PJA2: variants seen among roughly 807,000 people sequenced by gnomAD.
The protein encoded by PJA2 is praja ring finger ubiquitin ligase 2, also known as E3 ubiquitin-protein ligase Praja-2.
PJA2 carries 25 observed loss-of-function variants against 69.3 expected under a neutral mutation model. That is an observed-to-expected ratio of 0.36 (90% CI 0.26 to 0.50). The LOEUF (loss-of-function observed/expected upper bound fraction) is 0.50, where lower values mean the gene tolerates loss of function less well. Among genes scored for constraint, PJA2 ranks in the 20% least tolerant of loss-of-function variants. PJA2 has a pLI of 0.96. For missense variants in PJA2, 809 were observed against 830.2 expected (o/e 0.97, Z 0.31); for synonymous variants, 308 against 277.8 (o/e 1.11, Z -1.08).
chr5:109,365,047 C>G (rs954944570), intron 5 of PJA2, among the ~76,000 whole-genome samples: 1 of 152,172 alleles, frequency 6.6e-6, no homozygotes. Flanking sequence ...AAGAAAGTGA[C>G]TAATTTAAGT....
At chr5:109,387,592 T>C (rs963668233) in intron 1 of PJA2, among the ~76,000 whole-genome samples, 3 of 152,202 alleles carry the variant, frequency 2.0e-5, no homozygotes, top group African/African-American at 7.2e-5. Context: ...TACTTCTTAC[T>C]AATACTAAAA....
intron 7 of PJA2, among the ~76,000 whole-genome samples, chr5:109,345,656 A>G (rs1363952210): frequency 4.6e-5 from 7 of 152,164 alleles, no homozygotes; most frequent in African/African-American, 1.7e-4. Context: ...AACATTTTGG[A>G]AAGGTTCACT....
chr5:109,351,863 G>A (rs890976869), intron 7 of PJA2, among the ~76,000 whole-genome samples: 3 of 152,008 alleles, frequency 2.0e-5, no homozygotes, highest in African/African-American at 7.2e-5. Flanking sequence ...GAGTGTTAGT[G>A]TTAAATATAA....
rs1762623127 is a variant in PJA2, at chr5:109,368,579, T to G, written c.1451A>C (p.Glu484Ala). ...DSSGPEEENQ[E>A]LSLQEGEQTS... ...AACATACCCTTCCTGAAGAGATAAT[T>G]CTTGGTTTTCTTCTTCAGGGCCACT... The change falls in exon 5 of 10, where the codon GAA (glutamate) becomes GCA (alanine). Residue 484 changes from glutamate to alanine, a missense_variant. Glu to Ala is a moderately radical substitution (Grantham distance 107). Coordinates refer to ENST00000361189, the MANE Select transcript of PJA2 (RefSeq NM_014819.5). The G allele has an allele frequency of 6.2e-7, 1 of 1,613,396 alleles. No homozygotes were observed.
intron 1 of PJA2, among the ~76,000 whole-genome samples, chr5:109,401,793 G>A (rs935226255): frequency 6.6e-6 from 1 of 152,118 alleles, no homozygotes; most frequent in African/African-American, 2.4e-5. Context: ...CTATAACACA[G>A]AAAATCAATT....
At chr5:109,341,845 T>G (rs866733751) in intron 9 of PJA2, among the ~76,000 whole-genome samples, 2 of 25,376 alleles carry the variant, frequency 7.9e-5, no homozygotes, top group Non-Finnish European at 1.8e-4. Flanking sequence ...GCCCCCCGCC[T>G]GGCCAGCCGC....
intron 4 of PJA2, among the ~76,000 whole-genome samples, chr5:109,369,704 T>C (rs954040203): frequency 6.6e-6 from 1 of 152,220 alleles, no homozygotes; most frequent in Non-Finnish European, 1.5e-5. Context: ...GGCAAAACTT[T>C]ACTGTCCTTA....
intron 1 of PJA2, among the ~76,000 whole-genome samples, chr5:109,407,164 T>C (rs2127021487): frequency 6.6e-6 from 1 of 152,294 alleles, no homozygotes; most frequent in South Asian, 2.1e-4. Context: ...CAAAACAAAA[T>C]ACACTGTACA....
intron 1 of PJA2, among the ~76,000 whole-genome samples, chr5:109,392,021 TA>T (rs1359473518): frequency 1.3e-5 from 2 of 152,188 alleles, no homozygotes; most frequent in African/African-American, 4.8e-5. Context: ...CAATTCTCCT[TA>T]AATAATCTAT....
chr5:109,398,054 C>T (rs1244980351), intron 1 of PJA2, among the ~76,000 whole-genome samples: 1 of 152,160 alleles, frequency 6.6e-6, no homozygotes, highest in African/African-American at 2.4e-5. Flanking sequence ...TGAAAAAATG[C>T]TCATCATCAC....
chr5:109,349,782 G>T (rs74822077), intron 7 of PJA2, among the ~76,000 whole-genome samples: 4,638 of 152,140 alleles, frequency 0.03, 91 homozygotes, highest in Middle Eastern at 0.048. Context: ...CCCATATTCT[G>T]TGTAATTATC....
At position 109,384,261 on chromosome 5, in the gene PJA2, T is replaced by C. The variant is rs185058541; in HGVS notation, c.-87-741A>G. 2.3e-3 allele frequency among the ~76,000 whole-genome samples: 354 copies of C among 152,304 alleles called. 1 individual carries two copies. The highest frequency in any genetic ancestry group is 8.2e-3 in the African/African-American group (341 of 41,554). ...ACTGTAAGAATACAAACTTCATTTTTTAAAAATGTGTAATGGCTTATAACA... is the reference window on the plus strand; with the variant it reads ...ACTGTAAGAATACAAACTTCATTTTCTAAAAATGTGTAATGGCTTATAACA... On this transcript the variant is annotated intron_variant, in intron 1 of 9. Coordinates refer to ENST00000361189, the MANE Select transcript of PJA2 (RefSeq NM_014819.5).
chr5:109,399,192 C>CA (rs11411456), intron 1 of PJA2, among the ~76,000 whole-genome samples: 148,506 of 148,514 alleles, frequency 1, 74,249 homozygotes, highest in Middle Eastern at 1. Flanking sequence ...GCCTGGGTGA[C>CA]AGAGTGCAAC....
chr5:109,371,889 T>C (rs192002083), intron 4 of PJA2, among the ~76,000 whole-genome samples: 13 of 152,338 alleles, frequency 8.5e-5, no homozygotes, highest in African/African-American at 3.1e-4. Context: ...TCTCTATGCC[T>C]TTTTAGCCTC....
intron 9 of PJA2, among the ~76,000 whole-genome samples, chr5:109,339,542 T>A (rs556608912): frequency 1.3e-5 from 2 of 152,326 alleles, no homozygotes; most frequent in South Asian, 4.1e-4. Flanking sequence ...AGGTCTAATG[T>A]ATGGGAGTAG....
intron 5 of PJA2, among the ~76,000 whole-genome samples, chr5:109,364,812 A>T (rs1762560994): frequency 6.6e-6 from 1 of 151,970 alleles, no homozygotes; most frequent in Admixed American, 6.6e-5. Context: ...AATATATATC[A>T]ACAGAAAGGA....
Position 109,336,590 on chromosome 5 carries a change from A to T in PJA2, c.*641T>A, listed in dbSNP as rs1018202407. ...TACGTTAAGCACATCCACTGGTTTC[A>T]TTAAGGATTTTACTACCTAACTTTA... On this transcript the variant is annotated 3_prime_UTR_variant, in exon 10 of 10. Transcript: ENST00000361189. The T allele has an allele frequency of 6.6e-6, 1 of 152,192 alleles. No homozygotes were observed. Among genetic ancestry groups the T allele is most frequent in the Non-Finnish European group, 1.5e-5 (1 of 68,066 alleles). 9.4% of individuals were successfully genotyped at this position (152,192 alleles called of 1,614,324 possible). A position where few individuals can be genotyped will look rare whatever the true frequency, so the allele number is the denominator to read the frequency against.
intron 7 of PJA2, among the ~76,000 whole-genome samples, chr5:109,355,082 C>T (rs553939953): frequency 1.3e-5 from 2 of 152,084 alleles, no homozygotes; most frequent in African/African-American, 4.8e-5. Flanking sequence ...TATGACTGCA[C>T]CACTGCACTC....
chr5:109,372,203 T>C (rs920384149), intron 4 of PJA2, among the ~76,000 whole-genome samples: 1 of 152,170 alleles, frequency 6.6e-6, no homozygotes, highest in East Asian at 1.9e-4. Flanking sequence ...ACTTTGGAAA[T>C]AGTGACCTAT....
Sources: allele counts gnomAD v4.1 joint callset (sites outside exome capture counted in the v4.1 genomes callset), GRCh38; gene constraint gnomAD v4.1.1; transcripts MANE v1.5; gene names NCBI Gene and HGNC (gene_info 2026-07-23, HGNC 2026-07-21).